GTF2E2: variants seen among roughly 807,000 people sequenced by gnomAD.
GTF2E2 encodes the protein general transcription factor IIE subunit 2.
GTF2E2 carries 21 observed loss-of-function variants against 40.5 expected under a neutral mutation model. The observed-to-expected ratio is 0.52, with a 90% confidence interval of 0.37 to 0.75. The LOEUF (loss-of-function observed/expected upper bound fraction) is 0.75. Among genes scored for constraint, GTF2E2 ranks in the 30% least tolerant of loss-of-function variants. The pLI is 0.00. For synonymous variants in GTF2E2, 117 were observed against 121.6 expected (o/e 0.96, Z 0.25); for missense variants, 298 against 338.4 (o/e 0.88, Z 0.94).
chr8:30,611,776 T>A (rs6468436), intron 5 of GTF2E2, among the ~76,000 whole-genome samples: 50,921 of 152,008 alleles, frequency 0.33, 8,589 homozygotes, highest in African/African-American at 0.4. Flanking sequence ...GCTTAACAAG[T>A]TAACATTAAT....
chr8:30,621,965 T>C (rs1386676884), intron 3 of GTF2E2, among the ~76,000 whole-genome samples: 1 of 112,654 alleles, frequency 8.9e-6, no homozygotes, highest in African/African-American at 5.3e-5. Context: ...AGGGGGTTCT[T>C]ATATATATAT....
chr8:30,626,591 A>C (rs939129125), intron 3 of GTF2E2, among the ~76,000 whole-genome samples: 5 of 152,258 alleles, frequency 3.3e-5, no homozygotes, highest in African/African-American at 1.2e-4. Flanking sequence ...TATGTCTTAT[A>C]AACATGTCTG....
At chr8:30,640,944 A>G (rs1004248880) in intron 2 of GTF2E2, among the ~76,000 whole-genome samples, 1 of 152,214 alleles carries the variant, frequency 6.6e-6, no homozygotes, top group African/African-American at 2.4e-5. Context: ...ACCTCAGGTG[A>G]TCTGCCTGCC....
intron 5 of GTF2E2, among the ~76,000 whole-genome samples, chr8:30,608,783 T>C (rs1253454693): frequency 6.6e-6 from 1 of 152,202 alleles, no homozygotes; most frequent in Non-Finnish European, 1.5e-5. Context: ...GGAGTCTCAC[T>C]CTGTCAACCA....
At chr8:30,633,178 T>C (rs551689642) in intron 3 of GTF2E2, among the ~76,000 whole-genome samples, 158 of 152,312 alleles carry the variant, frequency 1.0e-3, no homozygotes, top group African/African-American at 3.5e-3. Context: ...AATTTTGATT[T>C]ATATTTCAAT....
intron 6 of GTF2E2, among the ~76,000 whole-genome samples, chr8:30,594,798 G>C (rs912698639): frequency 6.6e-6 from 1 of 151,296 alleles, no homozygotes; most frequent in Non-Finnish European, 1.5e-5. Flanking sequence ...TGGAGGTTGC[G>C]GTGAGCCGAG....
At chr8:30,628,584 G>A (rs1454268542) in intron 3 of GTF2E2, among the ~76,000 whole-genome samples, 1 of 152,206 alleles carries the variant, frequency 6.6e-6, no homozygotes, top group African/African-American at 2.4e-5. Context: ...CTATTGCATT[G>A]AGGAACTTTG....
intron 2 of GTF2E2, chr8:30,643,921 T>C (rs1801958860): frequency 6.6e-6 from 1 of 152,170 alleles, no homozygotes; most frequent in African/African-American, 2.4e-5. Context: ...TGGTACACAT[T>C]AGGTAATCAA....
intron 3 of GTF2E2, among the ~76,000 whole-genome samples, chr8:30,627,297 C>CA (rs1372409586): frequency 2.0e-5 from 3 of 151,526 alleles, no homozygotes; most frequent in Non-Finnish European, 4.4e-5. Context: ...TTTTGTGCTG[C>CA]AAAAAAACTA....
intron 6 of GTF2E2, chr8:30,597,481 C>G (rs1002049276): frequency 6.6e-6 from 1 of 152,258 alleles, no homozygotes; most frequent in African/African-American, 2.4e-5. Context: ...GCCCCCCAGG[C>G]GATCTCTGTT....
chr8:30,624,003 C>T (rs1585977444), intron 3 of GTF2E2, among the ~76,000 whole-genome samples: 2 of 152,150 alleles, frequency 1.3e-5, no homozygotes, highest in South Asian at 4.1e-4. Flanking sequence ...TGTGCAGAAG[C>T]CCTTTAGTTT....
intron 3 of GTF2E2, among the ~76,000 whole-genome samples, chr8:30,628,248 G>A (rs921263102): frequency 3.3e-5 from 5 of 152,128 alleles, no homozygotes; most frequent in African/African-American, 9.7e-5. Context: ...AAGAAATCAA[G>A]TAGAAAATTT....
chr8:30,580,271 G>A lies in GTF2E2; in HGVS notation c.759+10C>T. 1.4e-6 allele frequency: 2 copies of A among 1,437,066 alleles called. No individual in the cohort carries two copies. 89.0% of individuals were successfully genotyped at this position (1,437,066 alleles called of 1,614,324 possible). On this transcript the variant is annotated intron_variant, in intron 7 of 7. Coordinates refer to ENST00000355904, the MANE Select transcript of GTF2E2 (RefSeq NM_002095.6). The stretch of plus-strand genomic sequence containing the variant: ...CAGGGGATTAAGCTGCTTTGCTAGA[G>A]ATTACGCACCACTTTCTTTGGTCCA...
chr8:30,590,866 T>C (rs989273174), intron 6 of GTF2E2, among the ~76,000 whole-genome samples: 7 of 151,390 alleles, frequency 4.6e-5, no homozygotes, highest in Non-Finnish European at 7.4e-5. Context: ...GATTTTTGTA[T>C]TTTTAGTAGA....
intron 3 of GTF2E2, among the ~76,000 whole-genome samples, chr8:30,623,734 T>C (rs1227500369): frequency 1.3e-5 from 2 of 152,070 alleles, no homozygotes; most frequent in African/African-American, 4.8e-5. Context: ...GGTATCTCAT[T>C]GTGGTTTTGA....
In GTF2E2 at chr8:30,619,509, T is replaced by G. The variant is rs1018926196; in HGVS notation, c.259-4794A>C. Among the ~76,000 whole-genome samples, 3 of 151,210 alleles carry G rather than the reference T, an allele frequency of 2.0e-5. No homozygotes were observed. The East Asian group carries it at 5.8e-4, about 29-fold the overall frequency. ...GTTCAAGCAATTCTCCTGCTTCAGC[T>G]TCCCAAGTAGCTGGGACTATACGCG... On this transcript the variant is annotated intron_variant, in intron 3 of 7. Transcript: ENST00000355904.
chr8:30,583,779 GTATT>G (rs555607126), intron 6 of GTF2E2, among the ~76,000 whole-genome samples: 12 of 151,772 alleles, frequency 7.9e-5, no homozygotes, highest in South Asian at 2.1e-4. Context: ...ATGACGATCA[GTATT>G]TATTTATTTA....
intron 3 of GTF2E2, among the ~76,000 whole-genome samples, chr8:30,625,659 C>T (rs1170333474): frequency 1.3e-5 from 2 of 152,112 alleles, no homozygotes; most frequent in African/African-American, 4.8e-5. Context: ...AGTACAGTGG[C>T]ACGATCTCGG....
At chr8:30,607,202 C>CAAAA in intron 5 of GTF2E2, 52 bp from the exon 6 acceptor site, 2 of 483,216 alleles carry the variant, frequency 4.1e-6, no homozygotes, top group African/African-American at 2.2e-5. Flanking sequence ...ATTACCTCAC[C>CAAAA]AAAAAAAAAA....
Sources: gnomAD v4.1 joint callset for allele counts (sites outside exome capture counted in the v4.1 genomes callset) on GRCh38, gnomAD v4.1.1 for gene constraint, MANE v1.5 for transcripts, NCBI Gene and HGNC (gene_info 2026-07-23, HGNC 2026-07-21) for gene names.